Variants in SESTD1 observed in about 807,000 individuals in gnomAD.
SESTD1 encodes SEC14 domain and spectrin repeat-containing protein 1.
In SESTD1, 43 loss-of-function variants were observed where a neutral mutation model predicts 101.7. The ratio of observed to expected loss-of-function variants is 0.42; its 90% confidence interval spans 0.33 to 0.55. The LOEUF is 0.55. SESTD1 is among the 20% of genes least tolerant of loss of function. The probability of loss-of-function intolerance (pLI) is 0.07; values close to 1 mark genes in which losing one functional copy is unlikely to be tolerated. For synonymous variants in SESTD1, 283 were observed against 286.8 expected, an observed-to-expected ratio of 0.99 and a Z score of 0.13; for missense variants, 647 against 815.1, an observed-to-expected ratio of 0.79 and a Z score of 2.51.
At chr2:179,230,066 C>A (rs1157679836) in intron 1 of SESTD1, among the ~76,000 whole-genome samples, 1 of 138,666 alleles carries the variant, frequency 7.2e-6, no homozygotes, top group Non-Finnish European at 1.5e-5. Flanking sequence ...AAAAAACCAA[C>A]AACAAAGTAG....
At chr2:179,250,175 G>GT (rs2047294908) in intron 1 of SESTD1, among the ~76,000 whole-genome samples, 1 of 151,342 alleles carries the variant, frequency 6.6e-6, no homozygotes, top group Non-Finnish European at 1.5e-5. Flanking sequence ...AAACCCAACA[G>GT]TTAAAAAAAA....
intron 3 of SESTD1, among the ~76,000 whole-genome samples, chr2:179,179,410 C>G (rs2046069861): frequency 6.6e-6 from 1 of 152,158 alleles, no homozygotes; most frequent in South Asian, 2.1e-4. Flanking sequence ...ACTGTCTAAA[C>G]AGTCCACTCA....
rs1347852569 is a variant in SESTD1, at chr2:179,185,921, A to G, written c.56-2733T>C. On this transcript the variant is annotated intron_variant, in intron 2 of 17. Coordinates refer to ENST00000428443, the MANE Select transcript of SESTD1 (RefSeq NM_178123.5). Reference sequence around the variant, plus strand: ...TAGTATATTATATACAATATATAATATAGCATATACAATATATTATATTAT... The same window carrying G: ...TAGTATATTATATACAATATATAATGTAGCATATACAATATATTATATTAT... Among the ~76,000 whole-genome samples, 3 of 136,726 alleles carry G rather than the reference A, an allele frequency of 2.2e-5. No homozygotes were observed. The East Asian group carries it at 6.3e-4, about 29-fold the overall frequency. The allele number at this position is 136,726 out of a possible 152,430, so 89.7% of individuals were successfully genotyped here.
rs149260769 is a variant in SESTD1 at position 179,255,598 on chromosome 2, C to T, written c.-26+8901G>A. Among the ~76,000 whole-genome samples the T allele has an allele frequency of 1.4e-3, 213 of 152,218 alleles. 1 individual carries two copies. The highest frequency in any genetic ancestry group is 2.2e-3 in the Admixed American group (34 of 15,302). ...GTAGGAGTTGGTTCATGAGGTTTAACGAAAGAAGCCATCTCCATAACATAA... is the reference window on the plus strand; with the variant it reads ...GTAGGAGTTGGTTCATGAGGTTTAATGAAAGAAGCCATCTCCATAACATAA... On this transcript the variant is annotated intron_variant, in intron 1 of 17. Transcript: ENST00000428443.
intron 2 of SESTD1, among the ~76,000 whole-genome samples, chr2:179,186,674 T>G (rs1199798263): frequency 6.9e-6 from 1 of 145,958 alleles, no homozygotes; most frequent in Non-Finnish European, 1.5e-5. Context: ...GAAGACTGTA[T>G]TTTCAGGGAA....
At chr2:179,185,778 C>CAATAT (rs2046216720) in intron 2 of SESTD1, among the ~76,000 whole-genome samples, 1 of 107,316 alleles carries the variant, frequency 9.3e-6, no homozygotes, top group African/African-American at 3.5e-5. Flanking sequence ...ATAGCATATA[C>CAATAT]AATATAGTAT....
chr2:179,158,041 A>C (rs987380291), intron 5 of SESTD1, among the ~76,000 whole-genome samples: 11 of 152,262 alleles, frequency 7.2e-5, no homozygotes, highest in Non-Finnish European at 7.4e-5. Flanking sequence ...CTAGGGAAAA[A>C]ACACCATTAT....
At chr2:179,183,240 C>A in intron 2 of SESTD1, 52 bp from the exon 3 acceptor site, 2 of 1,165,312 alleles carry the variant, frequency 1.7e-6, no homozygotes, top group East Asian at 2.5e-5. Context: ...AAGGCATAAT[C>A]TGAATAATAT....
At chr2:179,165,772 C>T (rs1266714908) in intron 5 of SESTD1, among the ~76,000 whole-genome samples, 8 of 152,212 alleles carry the variant, frequency 5.3e-5, no homozygotes, top group Non-Finnish European at 2.9e-5. Flanking sequence ...TACTGGCACA[C>T]ATCCTTCCAC....
At chr2:179,128,990 C>T (rs185460414) in intron 10 of SESTD1, among the ~76,000 whole-genome samples, 4 of 152,192 alleles carry the variant, frequency 2.6e-5, no homozygotes, top group Non-Finnish European at 4.4e-5. Context: ...TTGGCAGTGA[C>T]GCATACTTGG....
At chr2:179,255,127 A>C (rs950322238) in intron 1 of SESTD1, among the ~76,000 whole-genome samples, 70 of 152,294 alleles carry the variant, frequency 4.6e-4, no homozygotes, top group African/African-American at 1.4e-3. Context: ...CCTTCTCCTC[A>C]GGCCTCTCTA....
intron 5 of SESTD1, among the ~76,000 whole-genome samples, chr2:179,168,053 C>T (rs1334697211): frequency 3.3e-5 from 5 of 152,142 alleles, no homozygotes; most frequent in Non-Finnish European, 7.4e-5. Flanking sequence ...GCCACCGCAC[C>T]CGGTGAGAAA....
Position 179,161,113 on chromosome 2 carries a change from G to T in SESTD1, c.370-9722C>A, listed in dbSNP as rs188752156. Among the ~76,000 whole-genome samples, 112 of 147,038 alleles carry T rather than the reference G, an allele frequency of 7.6e-4. 1 individual carries two copies. Among genetic ancestry groups the T allele is most frequent in the Middle Eastern group, 3.5e-3 (1 of 288 alleles). ...TTTTTTTAATTTTTTGTAGAGGAGG[G>T]TTCTCATTATGTTGCCCAGGCTGGT... is the stretch of plus-strand genomic sequence containing the variant. On this transcript the variant is annotated intron_variant, in intron 5 of 17. Coordinates refer to ENST00000428443, the MANE Select transcript of SESTD1 (RefSeq NM_178123.5).
intron 1 of SESTD1, among the ~76,000 whole-genome samples, chr2:179,210,692 T>C (rs1293104660): frequency 7.4e-6 from 1 of 134,676 alleles, no homozygotes; most frequent in African/African-American, 2.9e-5. Context: ...CTTAAGGTAA[T>C]AAAAGCCTTC....
In SESTD1 at chr2:179,132,436, A is replaced by G. The variant is rs1023375068; in HGVS notation, c.850-10T>C. On this transcript the variant is annotated splice_polypyrimidine_tract_variant and intron_variant, in intron 9 of 17. Transcript: ENST00000428443. ...CTAGCCAGTTCACCACCTATAAACAAAAGTTGAGATAACATTTTTTAAAGA... is the reference window on the plus strand; with the variant it reads ...CTAGCCAGTTCACCACCTATAAACAGAAGTTGAGATAACATTTTTTAAAGA... 1.3e-6 allele frequency: 2 copies of G among 1,531,094 alleles called. No individual in the cohort carries two copies. Among genetic ancestry groups the G allele is most frequent in the South Asian group, 1.3e-5 (1 of 77,648 alleles). The allele number at this position is 1,531,094 out of a possible 1,614,324, so 94.8% of individuals were successfully genotyped here. A position where few individuals can be genotyped will look rare whatever the true frequency, so the allele number is the denominator to read the frequency against.
At chr2:179,136,187 CT>C (rs1252047280) in intron 9 of SESTD1, among the ~76,000 whole-genome samples, 3 of 152,180 alleles carry the variant, frequency 2.0e-5, no homozygotes, top group African/African-American at 4.8e-5. Flanking sequence ...GGTTTCTCAT[CT>C]TTTAAATGAT....
At chr2:179,259,881 T>C (rs2047458031) in intron 1 of SESTD1, among the ~76,000 whole-genome samples, 1 of 152,232 alleles carries the variant, frequency 6.6e-6, no homozygotes, top group Non-Finnish European at 1.5e-5. Flanking sequence ...ACAAGATTCA[T>C]CCAGATCTGT....
intron 1 of SESTD1, among the ~76,000 whole-genome samples, chr2:179,259,293 G>A (rs1362853473): frequency 3.9e-5 from 6 of 151,994 alleles, no homozygotes; most frequent in Admixed American, 6.6e-5. Context: ...GTGCAGTGGC[G>A]CGATCTCGGC....
Position 179,262,201 on chromosome 2 carries a change from T to C in SESTD1, c.-26+2298A>G, listed in dbSNP as rs554143939. 6.6e-5 allele frequency among the ~76,000 whole-genome samples: 10 copies of C among 152,192 alleles called. No individual in the cohort carries two copies. The East Asian group carries it at 1.2e-3, about 18-fold the overall frequency. On this transcript the variant is annotated intron_variant, in intron 1 of 17. Transcript: ENST00000428443. The stretch of plus-strand genomic sequence containing the variant: ...AAAGTAAATTAGTGGTTGTCAAATA[T>C]GGGGAAGGGGGAATAGTAACAAAAG...
Sources: gnomAD v4.1 joint callset for allele counts (sites outside exome capture counted in the v4.1 genomes callset) on GRCh38, gnomAD v4.1.1 for gene constraint, MANE v1.5 for transcripts, NCBI Gene and HGNC (gene_info 2026-07-23, HGNC 2026-07-21) for gene names.